EXOC4: variants seen among roughly 807,000 people sequenced by gnomAD.
EXOC4 encodes SEC8-like 1.
EXOC4 carries 71 observed loss-of-function variants against 107.2 expected under a neutral mutation model. That is an observed-to-expected ratio of 0.66 (90% CI 0.55 to 0.81). The LOEUF (loss-of-function observed/expected upper bound fraction) is 0.81, where lower values mean the gene tolerates loss of function less well. Ranked by LOEUF, EXOC4 falls within the 30% of genes least tolerant of loss-of-function variation. The pLI, the probability that EXOC4 is intolerant of heterozygous loss-of-function variation, is 0.00. For missense variants in EXOC4, 1,108 were observed against 1,189.6 expected, an observed-to-expected ratio of 0.93 and a Z score of 1.01; for synonymous variants, 456 against 441.2, an observed-to-expected ratio of 1.03 and a Z score of -0.42.
At chr7:133,269,199 CCTAA>C (rs1426654392) in intron 1 of EXOC4, among the ~76,000 whole-genome samples, 2 of 152,102 alleles carry the variant, frequency 1.3e-5, no homozygotes, top group African/African-American at 2.4e-5. Context: ...TCTTTCCATC[CCTAA>C]CTGTCTGCTG....
intron 12 of EXOC4, among the ~76,000 whole-genome samples, chr7:133,900,239 A>G (rs1281541084): frequency 6.6e-6 from 1 of 152,200 alleles, no homozygotes; most frequent in Non-Finnish European, 1.5e-5. Flanking sequence ...AAAGGGAAAT[A>G]TGGGACAAAG....
chr7:133,391,162 A>C (rs1796843802), intron 7 of EXOC4, among the ~76,000 whole-genome samples: 1 of 152,182 alleles, frequency 6.6e-6, no homozygotes, highest in African/African-American at 2.4e-5. Context: ...GAAAGTTGTG[A>C]AGGGTTTTGA....
chr7:134,084,998 C>A, the EXOC4 span, among the ~76,000 whole-genome samples: 2 of 152,046 alleles, frequency 1.3e-5, no homozygotes, highest in Non-Finnish European at 2.9e-5. Flanking sequence ...GGGCGTTTGC[C>A]TTTTTTGAAC....
downstream of EXOC4, among the ~76,000 whole-genome samples, chr7:134,070,915 G>C (rs1029013304): frequency 2.0e-5 from 3 of 152,168 alleles, no homozygotes; most frequent in Non-Finnish European, 2.9e-5. Context: ...ATTCCAAACA[G>C]AAAACCCAGC....
chr7:133,550,863 A>G (rs1800573767), intron 9 of EXOC4, among the ~76,000 whole-genome samples: 1 of 152,148 alleles, frequency 6.6e-6, no homozygotes, highest in African/African-American at 2.4e-5. Context: ...ATTAAAATCC[A>G]TAATCAGTTG....
intron 10 of EXOC4, among the ~76,000 whole-genome samples, chr7:133,728,746 T>C (rs1795266615): frequency 1.3e-5 from 2 of 152,288 alleles, no homozygotes; most frequent in South Asian, 4.1e-4. Context: ...TACAAGTCAT[T>C]ATACTGAGAC....
chr7:133,758,348 A>G (rs1795961139), intron 10 of EXOC4, among the ~76,000 whole-genome samples: 1 of 152,308 alleles, frequency 6.6e-6, no homozygotes, highest in South Asian at 2.1e-4. Context: ...CATGTTGGCC[A>G]GAGTGGTGTC....
chr7:133,489,889 C>T (rs1338233924), intron 9 of EXOC4, among the ~76,000 whole-genome samples: 1 of 152,160 alleles, frequency 6.6e-6, no homozygotes, highest in Non-Finnish European at 1.5e-5. Context: ...AGTCACAGGG[C>T]CACCCAAAAT....
At chr7:133,497,019 T>A (rs1024138055) in intron 9 of EXOC4, among the ~76,000 whole-genome samples, 5 of 152,130 alleles carry the variant, frequency 3.3e-5, no homozygotes, top group Non-Finnish European at 7.4e-5. Context: ...GTGAATAGAT[T>A]AGGCCATGTT....
At chr7:133,577,282 C>T (rs1801153726) in intron 9 of EXOC4, among the ~76,000 whole-genome samples, 2 of 152,028 alleles carry the variant, frequency 1.3e-5, no homozygotes, top group African/African-American at 4.8e-5. Flanking sequence ...TTTGTATTTT[C>T]TTTGTAAGTA....
At chr7:134,009,919 C>G (rs1207309470) in intron 17 of EXOC4, 1 of 152,122 alleles carries the variant, frequency 6.6e-6, no homozygotes, top group Non-Finnish European at 1.5e-5. Flanking sequence ...AGGTCATGTG[C>G]CGATGAAGCA....
intron 17 of EXOC4, among the ~76,000 whole-genome samples, chr7:134,016,700 G>A (rs1313068741): frequency 6.6e-6 from 1 of 152,214 alleles, no homozygotes; most frequent in Non-Finnish European, 1.5e-5. Flanking sequence ...GCATAGCTGA[G>A]AATGTTGAAT....
intron 6 of EXOC4, among the ~76,000 whole-genome samples, chr7:133,364,221 C>T (rs764358569): frequency 6.6e-6 from 1 of 152,114 alleles, no homozygotes; most frequent in African/African-American, 2.4e-5. Context: ...CTTGACCCCC[C>T]CTGGGCTCAA....
chr7:133,691,629 A>G (rs1043544841), intron 10 of EXOC4, among the ~76,000 whole-genome samples: 4 of 152,204 alleles, frequency 2.6e-5, no homozygotes, highest in African/African-American at 7.2e-5. Flanking sequence ...GGAGAGACAG[A>G]TAATAAACAA....
downstream of EXOC4, chr7:134,065,791 A>T (rs568662046): frequency 6.6e-6 from 1 of 152,338 alleles, no homozygotes; most frequent in Non-Finnish European, 1.5e-5. Context: ...TGTGTTCTTT[A>T]TTCAGCAAAT....
intron 11 of EXOC4, among the ~76,000 whole-genome samples, chr7:133,836,415 T>C (rs1797919957): frequency 6.6e-6 from 1 of 152,182 alleles, no homozygotes; most frequent in South Asian, 2.1e-4. Flanking sequence ...TTCTGGCCAA[T>C]TCTATTTTTG....
chr7:133,489,861 A>G (rs1485128615), intron 9 of EXOC4, among the ~76,000 whole-genome samples: 2 of 152,196 alleles, frequency 1.3e-5, no homozygotes, highest in Admixed American at 1.3e-4. Context: ...AAATTCATAG[A>G]GTCCCTGATA....
At chr7:133,769,049 G>A (rs980485050) in intron 10 of EXOC4, among the ~76,000 whole-genome samples, 5 of 152,000 alleles carry the variant, frequency 3.3e-5, no homozygotes, top group East Asian at 1.9e-4. Context: ...TACTTGGGCC[G>A]GTTAACTTCT....
At chr7:133,306,415 T>C (rs1794754969) in intron 4 of EXOC4, among the ~76,000 whole-genome samples, 1 of 152,116 alleles carries the variant, frequency 6.6e-6, no homozygotes, top group Non-Finnish European at 1.5e-5. Flanking sequence ...GTAGATATAT[T>C]GGCTGGGTGC....
Sources: gnomAD v4.1 joint callset for allele counts (sites outside exome capture counted in the v4.1 genomes callset) on GRCh38, gnomAD v4.1.1 for gene constraint, MANE v1.5 for transcripts, NCBI Gene and HGNC (gene_info 2026-07-23, HGNC 2026-07-21) for gene names.